The following LRG1 variants were observed in gnomAD, a reference collection of about 807,000 sequenced individuals.
The protein encoded by LRG1 is leucine-rich alpha-2-glycoprotein.
LRG1 carries 1 observed loss-of-function variant against 2.4 expected under a neutral mutation model. The ratio of observed to expected loss-of-function variants is 0.41; its 90% confidence interval spans 0.15 to 1.95. The LOEUF (loss-of-function observed/expected upper bound fraction) is 1.95. Ranked by LOEUF, LRG1 falls within the 30% of genes most tolerant of loss-of-function variation. The pLI, the probability that LRG1 is intolerant of heterozygous loss-of-function variation, is 0.30. For synonymous variants in LRG1, 226 were observed against 210.6 expected (o/e 1.07, Z -0.63); for missense variants, 425 against 436.9 (o/e 0.97, Z 0.24).
intron 1 of LRG1, among the ~76,000 whole-genome samples, 170 bp downstream of exon 1, chr19:4,539,812 T>G (rs1480411426): frequency 1.3e-5 from 2 of 151,514 alleles, no homozygotes; most frequent in Non-Finnish European, 2.9e-5. Flanking sequence ...TCTGTAGGGG[T>G]GTGTGTGTGT....
chr19:4,539,943 C>T (rs376410400), intron 1 of LRG1, 39 bp downstream of exon 1: 25 of 1,613,170 alleles, frequency 1.5e-5, no homozygotes, highest in Middle Eastern at 1.6e-4. Context: ...CATGGTCTGG[C>T]GTTCAAACCT....
rs1289289769 is a variant in LRG1 at position 4,537,613 on chromosome 19, G to A, written c.*327C>T. ...GAGACAGTCTTGCTCTGTCGCCCAG[G>A]CTAGAGTGCAGTGGCACGATCTTGG... On this transcript the variant is annotated 3_prime_UTR_variant, in exon 2 of 2. Coordinates refer to ENST00000306390, the MANE Select transcript of LRG1 (RefSeq NM_052972.3). The A allele has an allele frequency of 3.1e-6, 1 of 319,486 alleles. No homozygotes were observed. Among genetic ancestry groups the A allele is most frequent in the African/African-American group, 2.1e-5 (1 of 47,032 alleles). 19.8% of individuals were successfully genotyped at this position (319,486 alleles called of 1,614,324 possible).
In LRG1 at chr19:4,538,579, G is replaced by A; in HGVS notation, c.405C>T (p.Leu135=). The A allele has an allele frequency of 2.5e-6, 4 of 1,613,326 alleles. No individual in the cohort carries two copies. In the Middle Eastern group the frequency reaches 5.0e-4, roughly 200 times the overall value. Residue 135 remains leucine (L), a synonymous_variant, in exon 2 of 2, where the codon CTC becomes CTT. Coordinates refer to ENST00000306390, the MANE Select transcript of LRG1 (RefSeq NM_052972.3). ...TGTCCAGGGTGGCTGAGGCCTGGAAGAGGCCCGGGGGCAGCCCGGTCAGGG... is the reference window on the plus strand; with the variant it reads ...TGTCCAGGGTGGCTGAGGCCTGGAAAAGGCCCGGGGGCAGCCCGGTCAGGG... ...RNALTGLPPG[L]FQASATLDTL... is the part of the protein sequence containing the mutation.
At position 4,538,815 on chromosome 19, in the gene LRG1, G is replaced by A; in HGVS notation, c.169C>T (p.Gln57Ter). 1 of 1,601,776 alleles carries A rather than the reference G, an allele frequency of 6.2e-7. No homozygotes were observed. The highest frequency in any genetic ancestry group is 1.1e-5 in the South Asian group (1 of 90,152). The part of the protein sequence containing the change: ...RSDHGSSISC[Q>*]PPAEIPGYLP... ...TAGCCGGGGATTTCGGCAGGTGGTT[G>A]ACAGGAGATGGAGCTGCCATGGTCT... is the stretch of plus-strand genomic sequence containing the variant. Residue 57 changes from glutamine (Q) to a stop codon, truncating the protein, a stop_gained, in exon 2 of 2, where the codon CAA (glutamine) becomes TAA (stop). Transcript: ENST00000306390. LOFTEE classifies it low-confidence loss of function (END_TRUNC).
rs374283574 is a variant in LRG1 at position 4,539,986 on chromosome 19, T to C, written c.28A>G (p.Lys10Glu). 14 of 1,614,066 alleles carry C rather than the reference T, an allele frequency of 8.7e-6. No individual in the cohort carries two copies. The highest frequency in any genetic ancestry group is 1.3e-5 in the African/African-American group (1 of 74,932). MSSWSRQRP[K>E]SPGGIQPHVS... ...ACAGGTAGTGTGGGGACCTACCTTT[T>C]TGGTCGCTGTCTGCTCCAAGAGGAC... is the stretch of plus-strand genomic sequence containing the variant. Residue 10 changes from lysine to glutamate, a missense_variant, in exon 1 of 2, where the codon AAA (lysine) becomes GAA (glutamate). Physicochemically the swap from Lys to Glu is moderately conservative, Grantham distance 56. Coordinates refer to ENST00000306390, the MANE Select transcript of LRG1 (RefSeq NM_052972.3).
chr19:4,538,281 G>C lies in LRG1; in HGVS notation c.703C>G (p.Gln235Glu), dbSNP rs1390605690. 5 of 1,614,106 alleles carry C rather than the reference G, an allele frequency of 3.1e-6. No homozygotes were observed. In the South Asian group the frequency reaches 4.4e-5, roughly 14 times the overall value. Residue 235 changes from glutamine to glutamate, a missense_variant, in exon 2 of 2, where the codon CAG becomes GAG. Physicochemically the swap from Gln to Glu is conservative, Grantham distance 29. Transcript: ENST00000306390. ...QVLGKDLLLP[Q>E]PDLRYLFLNG... is the part of the protein sequence containing the mutation. ...AGGAAGAGGTAGCGCAGGTCCGGCT[G>C]CGGCAAGAGGAGATCTTTTCCCAGT...
At position 4,538,102 on chromosome 19, in the gene LRG1, G is replaced by A. The variant is rs139158572; in HGVS notation, c.882C>T (p.Phe294=). The part of the protein sequence containing the change: ...GQPNWDMRDG[F]DISGNPWICD... ...AGATCCAGGGGTTGCCGGAGATGTC[G>A]AAGCCATCCCGCATGTCCCAGTTTG... The change falls in exon 2 of 2, where the codon TTC becomes TTT. Residue 294 remains phenylalanine (F), a synonymous_variant. Coordinates refer to ENST00000306390, the MANE Select transcript of LRG1 (RefSeq NM_052972.3). 9 of 1,614,040 alleles carry A rather than the reference G, an allele frequency of 5.6e-6. No individual in the cohort carries two copies. Among genetic ancestry groups the A allele is most frequent in the African/African-American group, 1.3e-5 (1 of 74,930 alleles).
rs1199808562 is a variant in LRG1, at chr19:4,538,701, G to A, written c.283C>T (p.Gln95Ter). The A allele has an allele frequency of 6.2e-7, 1 of 1,609,496 alleles. No homozygotes were observed. The highest frequency in any genetic ancestry group is 1.3e-5 in the African/African-American group (1 of 74,864). ...CCATTGCTGGAGAGGTGCAATTCTT[G>A]GAGCTTAGAGGCGCCCTGGAGGAGG... The part of the protein sequence containing the change: ...ANLLQGASKL[Q>*]ELHLSSNGLE... The change falls in exon 2 of 2, where the codon CAA becomes TAA. Residue 95 changes from glutamine to a stop codon, truncating the protein, a stop_gained. Transcript: ENST00000306390. LOFTEE classifies it low-confidence loss of function (END_TRUNC).
At chr19:4,539,064 G>A in intron 1 of LRG1, 113 bp from the exon 2 acceptor site, 2 of 1,065,338 alleles carry the variant, frequency 1.9e-6, no homozygotes, top group Non-Finnish European at 2.6e-6. Context: ...CTACCAGCCT[G>A]GACTATGCTA....
intron 1 of LRG1, chr19:4,539,240 A>C: frequency 3.8e-6 from 1 of 260,234 alleles, no homozygotes; most frequent in Non-Finnish European, 7.3e-6. Context: ...ACACTTCCCC[A>C]TCACCAGCCT....
rs1976973338 is a variant in LRG1 at position 4,538,426 on chromosome 19, G to A, written c.558C>T (p.Asn186=). 3.7e-6 allele frequency: 6 copies of A among 1,614,020 alleles called. No homozygotes were observed. In the South Asian group the frequency reaches 6.6e-5, roughly 18 times the overall value. The stretch of plus-strand genomic sequence containing the variant: ...GGTCAAGGGTGCGCAGGAGGGTGAA[G>A]TTGGCCAGCAGCCCGGGGGGCAGTT... The part of the protein sequence containing the change: ...LRKLPPGLLA[N]FTLLRTLDLG... The change falls in exon 2 of 2, where the codon AAC becomes AAT. Residue 186 remains asparagine, a synonymous_variant. Coordinates refer to ENST00000306390, the MANE Select transcript of LRG1 (RefSeq NM_052972.3).
At position 4,537,555 on chromosome 19, in the gene LRG1, T is replaced by G; in HGVS notation, c.*385A>C. 6 of 184,502 alleles carry G rather than the reference T, an allele frequency of 3.3e-5. No homozygotes were observed. Among genetic ancestry groups the G allele is most frequent in the East Asian group, 1.4e-4 (1 of 6,960 alleles). 11.4% of individuals were successfully genotyped at this position (184,502 alleles called of 1,614,324 possible). A position where few individuals can be genotyped will look rare whatever the true frequency, so the allele number is the denominator to read the frequency against. On this transcript the variant is annotated 3_prime_UTR_variant, in exon 2 of 2. Coordinates refer to ENST00000306390, the MANE Select transcript of LRG1 (RefSeq NM_052972.3). ...CGAGTTTCACCTGTAAAAGGCAGGA[T>G]TATTTGTTTTTAATTTTAATTTTAA... is the stretch of plus-strand genomic sequence containing the variant.
chr19:4,539,881 G>A, intron 1 of LRG1, 101 bp downstream of exon 1: 1 of 1,397,282 alleles, frequency 7.2e-7, no homozygotes, highest in South Asian at 1.2e-5. Flanking sequence ...CACCAGGCCT[G>A]TATCTGCTCC....
rs1290399750 is a variant in LRG1 at position 4,537,910 on chromosome 19, A to G, written c.*30T>C. 1 of 1,582,802 alleles carries G rather than the reference A, an allele frequency of 6.3e-7. No homozygotes were observed. Among genetic ancestry groups the G allele is most frequent in the South Asian group, 1.1e-5 (1 of 88,038 alleles). ...TAAGCGGGTTGCAGTGTTCTACCAG[A>G]CCCCCCACCCTCAACCCAAGCCCCT... On this transcript the variant is annotated 3_prime_UTR_variant, in exon 2 of 2. Coordinates refer to ENST00000306390, the MANE Select transcript of LRG1 (RefSeq NM_052972.3).
rs765304393 is a variant in LRG1 at position 4,538,873 on chromosome 19, G to A, written c.111C>T (p.Thr37=). The A allele has an allele frequency of 3.8e-5, 58 of 1,539,544 alleles. No homozygotes were observed. The highest frequency in any genetic ancestry group is 4.8e-5 in the Non-Finnish European group (55 of 1,139,808). The change falls in exon 2 of 2, where the codon ACC becomes ACT. Residue 37 remains threonine, a synonymous_variant. Coordinates refer to ENST00000306390, the MANE Select transcript of LRG1 (RefSeq NM_052972.3). ...LLLAASAWGV[T]LSPKDCQVFR... The stretch of plus-strand genomic sequence containing the variant: ...ACACCTGGCAGTCTTTGGGGCTCAG[G>A]GTGACCCCCCAGGCTGAGGCTGCCA...
At position 4,538,389 on chromosome 19, in the gene LRG1, G is replaced by C. The variant is rs1390744538; in HGVS notation, c.595C>G (p.Gln199Glu). Residue 199 changes from glutamine to glutamate, a missense_variant, in exon 2 of 2, where the codon CAG becomes GAG. Gln to Glu is a conservative substitution (Grantham distance 29, BLOSUM62 2). Transcript: ENST00000306390. ...LLRTLDLGEN[Q>E]LETLPPDLLR... ...AGGTCAGGTGGCAAGGTCTCCAACT[G>C]GTTCTCCCCAAGGTCAAGGGTGCGC... 6.2e-7 allele frequency: 1 copy of C among 1,614,192 alleles called. No individual in the cohort carries two copies.
chr19:4,539,158 G>T (rs1390732720), intron 1 of LRG1: 3 of 417,178 alleles, frequency 7.2e-6, no homozygotes, highest in Non-Finnish European at 1.2e-5. Context: ...GCCAGAAGTG[G>T]CCCCTGTTCC....
Position 4,537,863 on chromosome 19 carries a change from G to A in LRG1, c.*77C>T, listed in dbSNP as rs999471613. 27 of 1,497,244 alleles carry A rather than the reference G, an allele frequency of 1.8e-5. No homozygotes were observed. The highest frequency in any genetic ancestry group is 2.8e-5 in the African/African-American group (2 of 71,670). 92.7% of individuals were successfully genotyped at this position (1,497,244 alleles called of 1,614,324 possible). A position where few individuals can be genotyped will look rare whatever the true frequency, so the allele number is the denominator to read the frequency against. ...ATTACAGGCGTGAGCCCCCGCACCC[G>A]GCCAAAGGCAGGATTATTTGTTAAG... is the stretch of plus-strand genomic sequence containing the variant. On this transcript the variant is annotated 3_prime_UTR_variant, in exon 2 of 2. Coordinates refer to ENST00000306390, the MANE Select transcript of LRG1 (RefSeq NM_052972.3).
intron 1 of LRG1, 101 bp from the exon 2 acceptor site, chr19:4,539,052 G>A (rs1568249119): frequency 1.1e-5 from 13 of 1,212,470 alleles, no homozygotes; most frequent in Non-Finnish European, 1.3e-5. Flanking sequence ...CCATCTCTGC[G>A]GCTACCAGCC....
Sources: gnomAD v4.1 joint callset for allele counts (sites outside exome capture counted in the v4.1 genomes callset) on GRCh38, gnomAD v4.1.1 for gene constraint, MANE v1.5 for transcripts, NCBI Gene and HGNC (gene_info 2026-07-23, HGNC 2026-07-21) for gene names.